The following MAD2L2 variants were observed in gnomAD, a reference collection of about 807,000 sequenced individuals.
MAD2L2 encodes mitotic spindle assembly checkpoint protein MAD2B.
Under a neutral mutation model 30.5 loss-of-function variants are expected in MAD2L2, and 17 were observed. That is an observed-to-expected ratio of 0.56 (90% CI 0.38 to 0.84). The LOEUF (loss-of-function observed/expected upper bound fraction) is 0.84, where lower values mean the gene tolerates loss of function less well. MAD2L2 is among the 40% of genes least tolerant of loss of function. MAD2L2 has a pLI of 0.00. For missense variants in MAD2L2, 213 were observed against 277.4 expected, an observed-to-expected ratio of 0.77 and a Z score of 1.65; for synonymous variants, 101 against 113.9, an observed-to-expected ratio of 0.89 and a Z score of 0.72.
Position 11,690,122 on chromosome 1 carries a change from G to A in MAD2L2, c.-692+1291C>T, listed in dbSNP as rs548453438. Among the ~76,000 whole-genome samples the A allele has an allele frequency of 6.6e-5, 10 of 152,112 alleles. No individual in the cohort carries two copies. Among genetic ancestry groups the A allele is most frequent in the South Asian group, 2.1e-4 (1 of 4,824 alleles). On this transcript the variant is annotated intron_variant, in intron 1 of 10. Transcript: ENST00000235310. The surrounding 1 kb of genome is among the most constrained non-coding windows in gnomAD (Gnocchi z 4.2). ...GTAATGTGCTTTACTTTTCTTCATAGCACTAATCACCACCTGACATCATTT... is the reference window on the plus strand; with the variant it reads ...GTAATGTGCTTTACTTTTCTTCATAACACTAATCACCACCTGACATCATTT...
At chr1:11,686,737 T>C (rs1213119047) in intron 1 of MAD2L2, among the ~76,000 whole-genome samples, 2 of 146,498 alleles carry the variant, frequency 1.4e-5, no homozygotes, top group African/African-American at 5.1e-5. Context: ...ACATCAGGAG[T>C]GTCCAGATAT....
chr1:11,676,643 C>G (rs1391667437), intron 5 of MAD2L2, among the ~76,000 whole-genome samples: 1 of 152,242 alleles, frequency 6.6e-6, no homozygotes, highest in Non-Finnish European at 1.5e-5. Flanking sequence ...GCTCTGCCCC[C>G]ACCCAGGTGA....
rs865895428 is a variant in MAD2L2 at position 11,681,023 on chromosome 1, T to C, written c.-13+16A>G. On this transcript the variant is annotated intron_variant, in intron 1 of 8. Coordinates refer to ENST00000376692, the MANE Select transcript of MAD2L2 (RefSeq NM_006341.4). ...CTCCCGGCGGGAATCCCGCCCCCTC[T>C]CCCCTCCCCCAGTACCGGCTCTGCG... 43 of 153,706 alleles carry C rather than the reference T, an allele frequency of 2.8e-4. 1 individual carries two copies. Among genetic ancestry groups the C allele is most frequent in the Middle Eastern group, 3.3e-3 (1 of 304 alleles). The allele number at this position is 153,706 out of a possible 1,614,324, so 9.5% of individuals were successfully genotyped here. A position where few individuals can be genotyped will look rare whatever the true frequency, so the allele number is the denominator to read the frequency against.
chr1:11,685,225 C>T (rs566241276), upstream of MAD2L2, among the ~76,000 whole-genome samples: 3 of 152,228 alleles, frequency 2.0e-5, no homozygotes, highest in East Asian at 5.8e-4. Flanking sequence ...GCCACCATGC[C>T]CAGCCCGAAT....
In MAD2L2 at chr1:11,675,723, A is replaced by C. The variant is rs763486809; in HGVS notation, c.436T>G (p.Phe146Val). The C allele has an allele frequency of 6.2e-7, 1 of 1,613,922 alleles. No homozygotes were observed. Among genetic ancestry groups the C allele is most frequent in the Non-Finnish European group, 8.5e-7 (1 of 1,179,886 alleles). ...VLDHNPPGCT[F>V]TVLVHTREAA... ...TCTCTCGTGTGCACCAGGACTGTGA[A>C]GGTACAGCCTGGAGAGGCAAGAGGT... The change falls in exon 7 of 9, where the codon TTC becomes GTC. Residue 146 changes from phenylalanine to valine, a missense_variant. By Grantham distance (50) the Phe-to-Val change is conservative. Transcript: ENST00000376692.
intron 1 of MAD2L2, 129 bp downstream of exon 1, chr1:11,680,910 G>T (rs1640863684): frequency 3.7e-6 from 2 of 543,888 alleles, no homozygotes; most frequent in Non-Finnish European, 5.2e-6. Flanking sequence ...GGAAACAGCG[G>T]GATGCCCAGG....
In MAD2L2 at chr1:11,674,630, C is replaced by CCCGGG. The variant is rs1640724121; in HGVS notation, c.*144_*145insCCCGG. On this transcript the variant is annotated 3_prime_UTR_variant, in exon 9 of 9. Coordinates refer to ENST00000376692, the MANE Select transcript of MAD2L2 (RefSeq NM_006341.4). This position sits in a 1 kb window ranked among gnomAD's most constrained non-coding sequence, Gnocchi z 6.1. ...CTGGGGGAGGCATCCTCCAAGCAGA[C>CCCGGG]CTGAGCGGCCCCGGGCTGGGGCGGG... is the stretch of plus-strand genomic sequence containing the variant. 2 of 814,164 alleles carry CCCGGG rather than the reference C, an allele frequency of 2.5e-6. No homozygotes were observed. Among genetic ancestry groups the CCCGGG allele is most frequent in the Non-Finnish European group, 4.0e-6 (2 of 498,702 alleles). 50.4% of individuals were successfully genotyped at this position (814,164 alleles called of 1,614,324 possible).
chr1:11,684,767 T>C (rs1478684251), upstream of MAD2L2, among the ~76,000 whole-genome samples: 1 of 152,078 alleles, frequency 6.6e-6, no homozygotes, highest in Non-Finnish European at 1.5e-5. Flanking sequence ...CACATGGGTA[T>C]GGGGGACATA....
intron 3 of MAD2L2, among the ~76,000 whole-genome samples, chr1:11,679,145 CAG>C (rs567584480): frequency 1.2e-4 from 18 of 152,106 alleles, no homozygotes; most frequent in Non-Finnish European, 2.2e-4. Context: ...GCCAGGGCGA[CAG>C]AGCGAGACTC....
chr1:11,684,941 T>TC (rs1256624039), upstream of MAD2L2, among the ~76,000 whole-genome samples: 18 of 132,704 alleles, frequency 1.4e-4, no homozygotes, highest in African/African-American at 3.9e-4. Flanking sequence ...TTTTTTTTTT[T>TC]CCCAGAGACA....
chr1:11,677,376 C>T (rs759978939), intron 4 of MAD2L2, 167 bp downstream of exon 4: 3 of 691,804 alleles, frequency 4.3e-6, no homozygotes, highest in Non-Finnish European at 7.3e-6. Context: ...GGGGCCTGCC[C>T]CTGGGTTGGG....
At chr1:11,683,603 G>T (rs1640910605), upstream of MAD2L2, among the ~76,000 whole-genome samples, 1 of 152,092 alleles carries the variant, frequency 6.6e-6, no homozygotes, top group South Asian at 2.1e-4. Context: ...CTGCTGAGGT[G>T]ATGGATGCAC....
Position 11,680,404 on chromosome 1 carries a change from G to A in MAD2L2, c.108C>T (p.Val36=), listed in dbSNP as rs532070176. 1.2e-6 allele frequency: 2 copies of A among 1,614,028 alleles called. No individual in the cohort carries two copies. The highest frequency in any genetic ancestry group is 2.2e-5 in the East Asian group (1 of 44,870). ...AVHLILYVRE[V]YPVGIFQKRK... is the part of the protein sequence containing the mutation. ...GTTTCTGGAAGATGCCCACGGGGTA[G>A]ACCTCGCGCACGTAGAGGATGAGAT... The change falls in exon 3 of 9, where the codon GTC becomes GTT. Residue 36 remains valine (V), a synonymous_variant. Transcript: ENST00000376692.
upstream of MAD2L2, among the ~76,000 whole-genome samples, chr1:11,684,060 G>A (rs1194811441): frequency 6.6e-6 from 1 of 152,134 alleles, no homozygotes; most frequent in East Asian, 1.9e-4. Flanking sequence ...CAGATGGGGA[G>A]GGATTCAAAC....
At chr1:11,680,526 C>T (rs1640855414) in intron 2 of MAD2L2, 36 bp downstream of exon 2, 5 of 1,609,674 alleles carry the variant, frequency 3.1e-6, no homozygotes, top group Non-Finnish European at 3.4e-6. Flanking sequence ...GGCCCAGACG[C>T]CCCCGCCCCC....
At position 11,680,340 on chromosome 1, in the gene MAD2L2, G is replaced by C. The variant is rs1243406233; in HGVS notation, c.159+13C>G. 7 of 1,605,950 alleles carry C rather than the reference G, an allele frequency of 4.4e-6. No individual in the cohort carries two copies. Among genetic ancestry groups the C allele is most frequent in the Middle Eastern group, 1.7e-4 (1 of 6,052 alleles). Reference sequence around the variant, plus strand: ...ACCCTGTACCCACTCTGTGGTTCTGGGACGTGCCTCACCTGGACCGGCACG... The same window carrying C: ...ACCCTGTACCCACTCTGTGGTTCTGCGACGTGCCTCACCTGGACCGGCACG... On this transcript the variant is annotated intron_variant, in intron 3 of 8. Transcript: ENST00000376692.
chr1:11,684,125 C>A (rs1640918464), upstream of MAD2L2, among the ~76,000 whole-genome samples: 1 of 152,036 alleles, frequency 6.6e-6, no homozygotes, highest in South Asian at 2.1e-4. Context: ...AATGAACAGG[C>A]CAGATAGATG....
In MAD2L2 at chr1:11,676,905, T is replaced by C; in HGVS notation, c.275A>G (p.His92Arg). 3 of 1,614,074 alleles carry C rather than the reference T, an allele frequency of 1.9e-6. No homozygotes were observed. The highest frequency in any genetic ancestry group is 2.5e-6 in the Non-Finnish European group (3 of 1,180,000). Reference sequence around the variant, plus strand: ...AAAGACGAATTTCTCCACTGGGCGGTGCTCTTTATCCAAAATCACCACCAC... The same window carrying C: ...AAAGACGAATTTCTCCACTGGGCGGCGCTCTTTATCCAAAATCACCACCAC... The part of the protein sequence containing the change: ...KVVVVILDKE[H>R]RPVEKFVFEI... Residue 92 changes from histidine to arginine, a missense_variant, in exon 5 of 9, where the codon CAC (histidine) becomes CGC (arginine). His to Arg is a conservative substitution (Grantham distance 29). Transcript: ENST00000376692.
upstream of MAD2L2, among the ~76,000 whole-genome samples, chr1:11,682,803 C>T (rs1640899566): frequency 6.6e-6 from 1 of 152,082 alleles, no homozygotes. Context: ...GATGTAAAAT[C>T]ATCCATCCAA....
Sources: allele counts gnomAD v4.1 joint callset (sites outside exome capture counted in the v4.1 genomes callset), GRCh38; gene constraint gnomAD v4.1.1; non-coding constraint Gnocchi (gnomAD v3.1); transcripts MANE v1.5; gene names NCBI Gene and HGNC (gene_info 2026-07-23, HGNC 2026-07-21).